The following GABRB1 variants were observed in gnomAD, a reference collection of about 807,000 sequenced individuals.
GABRB1 encodes the protein gamma-aminobutyric acid type A receptor subunit beta1, also known as gamma-aminobutyric acid receptor subunit beta-1.
In GABRB1, 17 loss-of-function variants were observed where a neutral mutation model predicts 51.6. The ratio of observed to expected loss-of-function variants is 0.33; its 90% CI spans 0.23 to 0.49. GABRB1 has a LOEUF of 0.49. Among genes scored for constraint, GABRB1 ranks in the 20% least tolerant of loss-of-function variants. GABRB1 has a pLI of 0.99. For missense variants in GABRB1, 410 were observed against 600.6 expected, an observed-to-expected ratio of 0.68 and a Z score of 3.32; for synonymous variants, 247 against 218.9, an observed-to-expected ratio of 1.13 and a Z score of -1.14.
At chr4:47,266,955 T>C (rs1722662774) in intron 4 of GABRB1, among the ~76,000 whole-genome samples, 1 of 152,080 alleles carries the variant, frequency 6.6e-6, no homozygotes, top group African/African-American at 2.4e-5. Context: ...ATGAATCTAG[T>C]TGCTCTGGTG....
chr4:47,028,412 ATTC>A (rs1725169541), upstream of GABRB1, among the ~76,000 whole-genome samples: 2 of 151,924 alleles, frequency 1.3e-5, no homozygotes, highest in Admixed American at 6.6e-5. Context: ...AATATTAGAG[ATTC>A]TTTGGTGAAA....
intron 7 of GABRB1, among the ~76,000 whole-genome samples, chr4:47,406,456 C>T (rs372342686): frequency 5.3e-5 from 8 of 152,154 alleles, no homozygotes; most frequent in South Asian, 2.1e-4. Flanking sequence ...GGTTTCAACC[C>T]TTCATTAACT....
chr4:47,294,097 T>C (rs1723864757), intron 4 of GABRB1, among the ~76,000 whole-genome samples: 1 of 152,188 alleles, frequency 6.6e-6, no homozygotes, highest in African/African-American at 2.4e-5. Context: ...TATTCTACCT[T>C]ACTTAGAAAT....
chr4:47,108,433 T>C (rs1334930736), intron 3 of GABRB1, among the ~76,000 whole-genome samples: 1 of 152,026 alleles, frequency 6.6e-6, no homozygotes, highest in African/African-American at 2.4e-5. Context: ...CTTTTAAGAG[T>C]CACCTTGATG....
intron 4 of GABRB1, among the ~76,000 whole-genome samples, chr4:47,236,416 G>C (rs573278174): frequency 6.6e-6 from 1 of 152,086 alleles, no homozygotes; most frequent in African/African-American, 2.4e-5. Context: ...GAAAAGTAGA[G>C]CCAACATGCT....
chr4:47,240,958 T>G (rs1721496931), intron 4 of GABRB1, among the ~76,000 whole-genome samples: 1 of 152,186 alleles, frequency 6.6e-6, no homozygotes, highest in African/African-American at 2.4e-5. Flanking sequence ...TACATACTCA[T>G]TAAAATGGCC....
At chr4:47,035,996 C>T (rs1220714224) in intron 3 of GABRB1, among the ~76,000 whole-genome samples, 1 of 152,114 alleles carries the variant, frequency 6.6e-6, no homozygotes, top group Non-Finnish European at 1.5e-5. Context: ...CAAATGGCCA[C>T]CCCTAGAAGA....
At chr4:47,179,450 A>G (rs1218885333) in intron 4 of GABRB1, among the ~76,000 whole-genome samples, 1 of 152,132 alleles carries the variant, frequency 6.6e-6, no homozygotes. Context: ...CCAAAGGATT[A>G]TAAATCATTC....
intron 3 of GABRB1, among the ~76,000 whole-genome samples, chr4:47,080,629 C>T (rs142066318): frequency 6.6e-6 from 1 of 152,234 alleles, no homozygotes; most frequent in African/African-American, 2.4e-5. Context: ...TTTGCCTAGG[C>T]TGGATTCAAA....
intron 1 of GABRB1, among the ~76,000 whole-genome samples, chr4:47,012,992 G>T (rs1724625148): frequency 6.6e-6 from 1 of 152,146 alleles, no homozygotes; most frequent in Non-Finnish European, 1.5e-5. Flanking sequence ...CCACTGCAAA[G>T]TTTTCCATTG....
chr4:47,058,064 A>G (rs1200057151), intron 3 of GABRB1, among the ~76,000 whole-genome samples: 1 of 152,178 alleles, frequency 6.6e-6, no homozygotes, highest in African/African-American at 2.4e-5. Flanking sequence ...AAAATCTACC[A>G]CCTGAAGAGG....
In GABRB1 at chr4:47,111,604, C is replaced by T. The variant is rs186734880; in HGVS notation, c.241-49645C>T. Among the ~76,000 whole-genome samples, 4 of 152,224 alleles carry T rather than the reference C, an allele frequency of 2.6e-5. No homozygotes were observed. The East Asian group carries it at 7.7e-4, about 29-fold the overall frequency. On this transcript the variant is annotated intron_variant, in intron 3 of 8. Transcript: ENST00000295454. The stretch of plus-strand genomic sequence containing the variant: ...GCAGGCCAAGCATGGTGGCTCACAC[C>T]TCTAATCCCAGAACTTTGGGAGGCT...
At chr4:47,204,729 C>T (rs574699362) in intron 4 of GABRB1, among the ~76,000 whole-genome samples, 2 of 152,246 alleles carry the variant, frequency 1.3e-5, no homozygotes, top group African/African-American at 4.8e-5. Flanking sequence ...TCTTTGCCTG[C>T]CACCATCCAA....
intron 3 of GABRB1, among the ~76,000 whole-genome samples, chr4:47,056,409 A>G (rs1726606103): frequency 6.6e-6 from 1 of 152,136 alleles, no homozygotes; most frequent in African/African-American, 2.4e-5. Flanking sequence ...AACCTTTCAT[A>G]CCAAGGTTTG....
At chr4:47,362,078 C>A (rs73249634) in intron 5 of GABRB1, among the ~76,000 whole-genome samples, 30,984 of 152,062 alleles carry the variant, frequency 0.2, 4,022 homozygotes, top group Middle Eastern at 0.36. Context: ...AGAATTGTGA[C>A]AAGGAGCTTC....
At chr4:47,107,257 G>T (rs1266518239) in intron 3 of GABRB1, among the ~76,000 whole-genome samples, 1 of 151,938 alleles carries the variant, frequency 6.6e-6, no homozygotes, top group Non-Finnish European at 1.5e-5. Flanking sequence ...TCAATATTAA[G>T]TGATGTACTT....
intron 3 of GABRB1, among the ~76,000 whole-genome samples, chr4:47,119,256 T>C (rs1053634195): frequency 6.6e-6 from 1 of 152,074 alleles, no homozygotes; most frequent in Non-Finnish European, 1.5e-5. Context: ...ATTATATTTT[T>C]ATTCATATTA....
rs553310855 is a variant in GABRB1 at position 47,295,973 on chromosome 4, A to C, written c.462-24154A>C. On this transcript the variant is annotated intron_variant, in intron 4 of 8. Transcript: ENST00000295454. ...AATATTCAACATTCTTAAAGAAAAG[A>C]ATTTTCAACCCAGAATTTCATATCC... Among the ~76,000 whole-genome samples the C allele has an allele frequency of 5.2e-4, 79 of 152,228 alleles. 1 individual carries two copies. Among genetic ancestry groups the C allele is most frequent in the African/African-American group, 1.9e-3 (78 of 41,532 alleles).
intron 3 of GABRB1, among the ~76,000 whole-genome samples, chr4:47,132,358 T>G (rs1475142946): frequency 6.6e-6 from 1 of 151,924 alleles, no homozygotes; most frequent in Non-Finnish European, 1.5e-5. Flanking sequence ...ACCATCTCTG[T>G]GAAGACGTTT....
Sources: gnomAD v4.1 joint callset for allele counts (sites outside exome capture counted in the v4.1 genomes callset) on GRCh38, gnomAD v4.1.1 for gene constraint, MANE v1.5 for transcripts, NCBI Gene and HGNC (gene_info 2026-07-23, HGNC 2026-07-21) for gene names.